The following PDE5A variants were observed in gnomAD, a reference collection of about 807,000 sequenced individuals.
PDE5A encodes cGMP-specific 3',5'-cyclic phosphodiesterase.
Under a neutral mutation model 110.2 loss-of-function variants are expected in PDE5A, and 67 were observed. The observed-to-expected ratio is 0.61, with a 90% CI of 0.50 to 0.75. PDE5A has a LOEUF of 0.75. PDE5A is among the 30% of genes least tolerant of loss of function. PDE5A has a pLI of 0.00. For missense variants in PDE5A, 862 were observed against 1,045.1 expected, an observed-to-expected ratio of 0.82 and a Z score of 2.42; for synonymous variants, 328 against 351.2, an observed-to-expected ratio of 0.93 and a Z score of 0.74.
At chr4:119,621,927 T>G (rs956937706) in intron 1 of PDE5A, among the ~76,000 whole-genome samples, 2 of 152,088 alleles carry the variant, frequency 1.3e-5, no homozygotes, top group Admixed American at 6.5e-5. Context: ...TCCCAGCACT[T>G]TGGGAGGCCG....
At chr4:119,625,244 G>A (rs935432719) in intron 1 of PDE5A, among the ~76,000 whole-genome samples, 3 of 152,026 alleles carry the variant, frequency 2.0e-5, no homozygotes, top group African/African-American at 4.8e-5. Context: ...TGATCTGCCC[G>A]CCTCGGCCTC....
chr4:119,535,283 C>T (rs1394865013), intron 11 of PDE5A, among the ~76,000 whole-genome samples: 2 of 152,000 alleles, frequency 1.3e-5, no homozygotes, highest in African/African-American at 4.8e-5. Flanking sequence ...CATGGTCACC[C>T]CTCATCCCCT....
intron 9 of PDE5A, chr4:119,549,120 T>C (rs1254246688): frequency 6.6e-6 from 1 of 152,164 alleles, no homozygotes; most frequent in Non-Finnish European, 1.5e-5. Flanking sequence ...GAGTAATTTA[T>C]TAAATAAAGC....
chr4:119,525,810 T>C lies in PDE5A; in HGVS notation c.1633-115A>G, dbSNP rs1276141219. 2.0e-6 allele frequency: 2 copies of C among 1,023,240 alleles called. No homozygotes were observed. The highest frequency in any genetic ancestry group is 2.8e-6 in the Non-Finnish European group (2 of 712,770). 63.4% of individuals were successfully genotyped at this position (1,023,240 alleles called of 1,614,324 possible). On this transcript the variant is annotated intron_variant, in intron 11 of 20. Transcript: ENST00000354960. The surrounding 1 kb of genome is among the most constrained non-coding windows in gnomAD (Gnocchi z 4.3). ...CATATTGTGGCTTTTTTTTCCTTTT[T>C]AATGAAAGACACTAGAAACCTTTTT... is the stretch of plus-strand genomic sequence containing the variant.
intron 3 of PDE5A, among the ~76,000 whole-genome samples, chr4:119,578,642 A>C (rs1272894205): frequency 1.3e-5 from 2 of 152,258 alleles, no homozygotes; most frequent in Non-Finnish European, 2.9e-5. Flanking sequence ...CATATGTAGA[A>C]AGCTGAAACT....
chr4:119,592,543 C>T (rs918696190), intron 3 of PDE5A, among the ~76,000 whole-genome samples: 4 of 150,108 alleles, frequency 2.7e-5, no homozygotes, highest in African/African-American at 4.9e-5. Flanking sequence ...ATCCCTTATC[C>T]GAAATGCTCG....
At position 119,542,486 on chromosome 4, in the gene PDE5A, G is replaced by A; in HGVS notation, c.1545C>T (p.Ala515=). ...CCAATGTGACCATTTGCTTGGCCAT[G>A]GCTCTCTCCACTGCTTCATACATCT... is the stretch of plus-strand genomic sequence containing the variant. The part of the protein sequence containing the change: ...NTQMYEAVER[A]MAKQMVTLEV... Residue 515 remains alanine (A), a synonymous_variant, in exon 10 of 21, where the codon GCC becomes GCT. Transcript: ENST00000354960. 1 of 1,613,838 alleles carries A rather than the reference G, an allele frequency of 6.2e-7. No homozygotes were observed. The highest frequency in any genetic ancestry group is 8.5e-7 in the Non-Finnish European group (1 of 1,179,852).
Position 119,627,943 on chromosome 4 carries a change from G to A in PDE5A, c.152+577C>T. The A allele has an allele frequency of 3.4e-6, 2 of 582,842 alleles. No individual in the cohort carries two copies. The highest frequency in any genetic ancestry group is 1.5e-4 in the South Asian group (2 of 13,514). The allele number at this position is 582,842 out of a possible 1,614,324, so 36.1% of individuals were successfully genotyped here. A position where few individuals can be genotyped will look rare whatever the true frequency, so the allele number is the denominator to read the frequency against. The stretch of plus-strand genomic sequence containing the variant: ...TCGGCGGAAAAGCGAGTGAAAGGAG[G>A]CGCGCGGGACAAGCAGGAGACTGGA... On this transcript the variant is annotated intron_variant, in intron 1 of 20. Transcript: ENST00000354960. This position sits in a 1 kb window ranked among gnomAD's most constrained non-coding sequence, Gnocchi z 4.6.
In PDE5A at chr4:119,627,420, C is replaced by A. The variant is rs1321502072; in HGVS notation, c.152+1100G>T. ...GGCGAGTGGGACCCGGGCGTCGAAC[C>A]CGGGCGGGCTCCTCGACCATCACTG... On this transcript the variant is annotated intron_variant, in intron 1 of 20. Transcript: ENST00000354960. The surrounding 1 kb of genome is among the most constrained non-coding windows in gnomAD (Gnocchi z 4.6). 2.2e-6 allele frequency: 1 copy of A among 450,172 alleles called. No homozygotes were observed. Among genetic ancestry groups the A allele is most frequent in the Non-Finnish European group, 2.9e-6 (1 of 340,422 alleles). The allele number at this position is 450,172 out of a possible 1,614,324, so 27.9% of individuals were successfully genotyped here. A position where few individuals can be genotyped will look rare whatever the true frequency, so the allele number is the denominator to read the frequency against.
chr4:119,623,279 C>T (rs1335495952), intron 1 of PDE5A, among the ~76,000 whole-genome samples: 1 of 152,180 alleles, frequency 6.6e-6, no homozygotes, highest in Non-Finnish European at 1.5e-5. Flanking sequence ...CATAGGAAGT[C>T]CTGCAAAGTC....
intron 10 of PDE5A, among the ~76,000 whole-genome samples, chr4:119,539,595 C>T (rs1726854298): frequency 6.6e-6 from 1 of 151,990 alleles, no homozygotes; most frequent in Admixed American, 6.6e-5. Flanking sequence ...GAGAGTAGTG[C>T]TGGCCTGTAA....
rs748165766 is a variant in PDE5A at position 119,627,182 on chromosome 4, C to A, written c.152+1338G>T. 2.5e-6 allele frequency: 4 copies of A among 1,612,818 alleles called. No homozygotes were observed. The highest frequency in any genetic ancestry group is 2.2e-5 in the East Asian group (1 of 44,782). On this transcript the variant is annotated intron_variant, in intron 1 of 20. Coordinates refer to ENST00000354960, the MANE Select transcript of PDE5A (RefSeq NM_001083.4). This position sits in a 1 kb window ranked among gnomAD's most constrained non-coding sequence, Gnocchi z 4.6. ...TGTCTCCAAAGGGCAACATAGCAAA[C>A]GTGGGAAGTTCGTTTTCGAACTCCG...
At chr4:119,506,926 T>C (rs1032445082) in intron 16 of PDE5A, among the ~76,000 whole-genome samples, 1 of 151,898 alleles carries the variant, frequency 6.6e-6, no homozygotes, top group Non-Finnish European at 1.5e-5. Context: ...GAGAGACTCA[T>C]GTTACAAGGA....
At chr4:119,529,508 T>C (rs1726456411) in intron 11 of PDE5A, among the ~76,000 whole-genome samples, 2 of 152,156 alleles carry the variant, frequency 1.3e-5, no homozygotes, top group African/African-American at 4.8e-5. Context: ...TTCAAACTAA[T>C]GTAGTGACAC....
At chr4:119,518,817 G>A (rs954875949) in intron 14 of PDE5A, among the ~76,000 whole-genome samples, 3 of 152,120 alleles carry the variant, frequency 2.0e-5, no homozygotes, top group African/African-American at 7.2e-5. Flanking sequence ...AAAACTCCTG[G>A]TAATTATCTA....
chr4:119,550,845 C>A (rs1461029496), intron 9 of PDE5A, among the ~76,000 whole-genome samples: 1 of 152,172 alleles, frequency 6.6e-6, no homozygotes, highest in Non-Finnish European at 1.5e-5. Context: ...CCCTTGACCT[C>A]CCTAAGAAAT....
chr4:119,575,962 C>A (rs565526416), intron 3 of PDE5A, among the ~76,000 whole-genome samples: 2 of 152,098 alleles, frequency 1.3e-5, no homozygotes, highest in Non-Finnish European at 2.9e-5. Flanking sequence ...CAGAGACATA[C>A]ATAGGCTCAA....
At chr4:119,506,071 T>A in intron 16 of PDE5A, 139 bp from the exon 17 acceptor site, 1 of 434,678 alleles carries the variant, frequency 2.3e-6, no homozygotes, top group Non-Finnish European at 4.2e-6. Flanking sequence ...CACTATAAAA[T>A]CATCATTTAC....
intron 3 of PDE5A, among the ~76,000 whole-genome samples, chr4:119,570,157 A>G (rs1187766218): frequency 6.6e-6 from 1 of 152,234 alleles, no homozygotes; most frequent in East Asian, 1.9e-4. Flanking sequence ...GACTTTAAGG[A>G]TCCTGAGCAA....
Sources: gnomAD v4.1 joint callset for allele counts (sites outside exome capture counted in the v4.1 genomes callset) on GRCh38, gnomAD v4.1.1 for gene constraint, Gnocchi (gnomAD v3.1) non-coding constraint, MANE v1.5 for transcripts, NCBI Gene and HGNC (gene_info 2026-07-23, HGNC 2026-07-21) for gene names.